The following CTIF variants were observed in gnomAD, a reference collection of about 807,000 sequenced individuals.
The protein encoded by CTIF is CBP80/20-dependent translation initiation factor.
CTIF carries 21 observed loss-of-function variants against 66.0 expected under a neutral mutation model. That is an observed-to-expected ratio of 0.32 (90% CI 0.23 to 0.46). The LOEUF (loss-of-function observed/expected upper bound fraction) is 0.46. Ranked by LOEUF, CTIF falls within the 20% of genes least tolerant of loss-of-function variation. The pLI is 1.00. For synonymous variants in CTIF, 345 were observed against 326.4 expected (o/e 1.06, Z -0.62); for missense variants, 739 against 812.7 (o/e 0.91, Z 1.10).
intron 7 of CTIF, among the ~76,000 whole-genome samples, chr18:48,727,186 A>T (rs951270006): frequency 1.3e-5 from 2 of 152,182 alleles, no homozygotes; most frequent in African/African-American, 4.8e-5. Flanking sequence ...AACAAGAAGC[A>T]CATAGACATT....
chr18:48,648,841 T>TGGGCGTGGTGGCTCACGCCTGTGAA (rs2091101864), intron 3 of CTIF, among the ~76,000 whole-genome samples: 1 of 152,206 alleles, frequency 6.6e-6, no homozygotes, highest in Non-Finnish European at 1.5e-5. Context: ...AGAGTGAGGC[T>TGGGCGTGGTGGCTCACGCCTGTGAA]GGGCGTGGTG....
At chr18:48,794,818 C>T (rs991606279) in intron 9 of CTIF, among the ~76,000 whole-genome samples, 4 of 152,078 alleles carry the variant, frequency 2.6e-5, no homozygotes, top group Non-Finnish European at 5.9e-5. Flanking sequence ...TTCCCCCAGG[C>T]CCTTTGTGTG....
intron 7 of CTIF, among the ~76,000 whole-genome samples, chr18:48,746,385 G>A (rs540291205): frequency 1.3e-5 from 2 of 151,810 alleles, no homozygotes; most frequent in African/African-American, 4.8e-5. Flanking sequence ...GGACACCAGG[G>A]TCACAGCTTG....
At chr18:48,857,985 C>G (rs929503618) in intron 11 of CTIF, among the ~76,000 whole-genome samples, 1 of 152,266 alleles carries the variant, frequency 6.6e-6, no homozygotes, top group African/African-American at 2.4e-5. Flanking sequence ...CAAATATTTC[C>G]CTTTGCTTTG....
At chr18:48,768,516 G>A (rs1909790687) in intron 9 of CTIF, among the ~76,000 whole-genome samples, 1 of 152,172 alleles carries the variant, frequency 6.6e-6, no homozygotes, top group Non-Finnish European at 1.5e-5. Flanking sequence ...GCTCAGTGAG[G>A]CTGCAAGATT....
chr18:48,796,090 G>T (rs4939812), intron 9 of CTIF, among the ~76,000 whole-genome samples: 2 of 152,206 alleles, frequency 1.3e-5, no homozygotes, highest in Non-Finnish European at 2.9e-5. Flanking sequence ...CCACTTCCCG[G>T]GTTAAAGTGA....
chr18:48,813,946 C>T (rs949312585), intron 9 of CTIF, among the ~76,000 whole-genome samples: 2 of 152,162 alleles, frequency 1.3e-5, no homozygotes, highest in African/African-American at 4.8e-5. Context: ...CAGGGCTTTG[C>T]TAGTACTGAC....
At chr18:48,639,527 TG>T (rs1377069762) in intron 3 of CTIF, among the ~76,000 whole-genome samples, 1 of 152,172 alleles carries the variant, frequency 6.6e-6, no homozygotes, top group Non-Finnish European at 1.5e-5. Flanking sequence ...GGTTCAGACC[TG>T]GGTGCTGCAG....
chr18:48,580,152 A>G (rs1253096585), intron 1 of CTIF, among the ~76,000 whole-genome samples: 2 of 152,182 alleles, frequency 1.3e-5, no homozygotes, highest in Non-Finnish European at 2.9e-5. Flanking sequence ...TTAGAGGCTC[A>G]GGTTAGCTGC....
intron 9 of CTIF, among the ~76,000 whole-genome samples, chr18:48,816,945 A>T (rs1037351309): frequency 2.0e-5 from 3 of 152,218 alleles, no homozygotes; most frequent in Non-Finnish European, 2.9e-5. Flanking sequence ...CATTGCTGTC[A>T]GTGAAGGAGG....
Position 48,619,682 on chromosome 18 carries a change from G to A in CTIF, c.117G>A (p.Gly39=), listed in dbSNP as rs775740560. Residue 39 remains glycine, a synonymous_variant, in exon 2 of 12, where the codon GGG becomes GGA. Transcript: ENST00000256413. ...DSYVLEYQVQ[G]LLADKTEGDG... ...ACGTGCTGGAGTACCAGGTGCAGGG[G>A]CTGCTGGCTGACAAGACGGAGGGTG... 1.2e-6 allele frequency: 2 copies of A among 1,608,190 alleles called. No individual in the cohort carries two copies. Among genetic ancestry groups the A allele is most frequent in the South Asian group, 2.2e-5 (2 of 89,468 alleles).
At chr18:48,817,008 C>G (rs578126295) in intron 9 of CTIF, among the ~76,000 whole-genome samples, 55 of 152,306 alleles carry the variant, frequency 3.6e-4, no homozygotes, top group African/African-American at 1.2e-3. Context: ...TGTCCCCAAC[C>G]TGGGGACACC....
rs1230954093 is a variant in CTIF, at chr18:48,539,275, C to G, written c.-66C>G. ...CTTCCCTGCCCCCTTCCCCCACCCC[C>G]GACTCGGGCTTGGCGCGGCGGCCAG... On this transcript the variant is annotated 5_prime_UTR_variant, in exon 1 of 12. Coordinates refer to ENST00000256413, the MANE Select transcript of CTIF (RefSeq NM_014772.3). The G allele has an allele frequency of 1.3e-5, 2 of 152,354 alleles. No homozygotes were observed. The highest frequency in any genetic ancestry group is 2.9e-5 in the Non-Finnish European group (2 of 68,220). The allele number at this position is 152,354 out of a possible 1,614,324, so 9.4% of individuals were successfully genotyped here. A position where few individuals can be genotyped will look rare whatever the true frequency, so the allele number is the denominator to read the frequency against.
rs2068388996 is a variant in CTIF, at chr18:48,817,384, A to ACCTG, written c.1527+11_1527+14dup. ...TACACCTGCCTCAGGGAGGTAAGAG[A>ACCTG]CCTGCCGCCTGTGCCCCCTGCACAG... On this transcript the variant is annotated intron_variant, in intron 10 of 11. Coordinates refer to ENST00000256413, the MANE Select transcript of CTIF (RefSeq NM_014772.3). The ACCTG allele has an allele frequency of 7.5e-6, 12 of 1,605,938 alleles. No homozygotes were observed. The highest frequency in any genetic ancestry group is 1.0e-5 in the Non-Finnish European group (12 of 1,176,102).
chr18:48,623,027 G>C (rs1005745109), intron 2 of CTIF, among the ~76,000 whole-genome samples: 4 of 152,272 alleles, frequency 2.6e-5, no homozygotes, highest in African/African-American at 9.6e-5. Flanking sequence ...CGGGGACATA[G>C]TTTTGAAAGG....
At chr18:48,562,006 T>C (rs1324206218) in intron 1 of CTIF, among the ~76,000 whole-genome samples, 1 of 152,228 alleles carries the variant, frequency 6.6e-6, no homozygotes, top group African/African-American at 2.4e-5. Context: ...AAAAAGAACA[T>C]ATGGCTCACA....
chr18:48,584,073 GC>G (rs1265484889), intron 1 of CTIF, among the ~76,000 whole-genome samples: 2 of 152,128 alleles, frequency 1.3e-5, no homozygotes, highest in African/African-American at 4.8e-5. Flanking sequence ...AGCGGCCCCT[GC>G]CTCCCCTCTT....
chr18:48,620,459 C>T (rs930595104), intron 2 of CTIF, among the ~76,000 whole-genome samples: 3 of 152,220 alleles, frequency 2.0e-5, no homozygotes, highest in African/African-American at 7.2e-5. Flanking sequence ...CACAAATCCT[C>T]AGCAGATTTT....
At chr18:48,746,186 C>T (rs2092595019) in intron 7 of CTIF, among the ~76,000 whole-genome samples, 1 of 152,150 alleles carries the variant, frequency 6.6e-6, no homozygotes, top group Admixed American at 6.5e-5. Flanking sequence ...GGGGCCTTTC[C>T]CCAAGAAGGG....
Sources: allele counts gnomAD v4.1 joint callset (sites outside exome capture counted in the v4.1 genomes callset), GRCh38; gene constraint gnomAD v4.1.1; transcripts MANE v1.5; gene names NCBI Gene and HGNC (gene_info 2026-07-23, HGNC 2026-07-21).